The following IPPK variants were observed in gnomAD, a reference collection of about 807,000 sequenced individuals.
IPPK encodes the protein inositol-pentakisphosphate 2-kinase, also known as IPK1 homolog.
Under a neutral mutation model 64.6 loss-of-function variants are expected in IPPK, and 22 were observed. The ratio of observed to expected loss-of-function variants is 0.34; its 90% CI spans 0.24 to 0.49. The LOEUF is 0.49. IPPK is among the 20% of genes least tolerant of loss of function. IPPK has a pLI of 0.99. For missense variants in IPPK, 532 were observed against 630.7 expected (o/e 0.84, Z 1.68); for synonymous variants, 262 against 247.2 (o/e 1.06, Z -0.56).
At chr9:92,618,782 A>C (rs949933733) in intron 12 of IPPK, 16 of 353,246 alleles carry the variant, frequency 4.5e-5, no homozygotes, top group African/African-American at 3.0e-4. Flanking sequence ...TTAGTTCAAA[A>C]GCACCGGGAA....
At position 92,615,612 on chromosome 9, in the gene IPPK, T is replaced by G. The variant is rs1851406137; in HGVS notation, c.*220A>C. ...AACGGACACTTCCATTTTAAGAGTG[T>G]GAGCAGCTTCCTGGGACACAGCACT... is the stretch of plus-strand genomic sequence containing the variant. On this transcript the variant is annotated 3_prime_UTR_variant, in exon 13 of 13. Coordinates refer to ENST00000287996, the MANE Select transcript of IPPK (RefSeq NM_022755.6). 1.9e-6 allele frequency: 1 copy of G among 530,666 alleles called. No individual in the cohort carries two copies. The highest frequency in any genetic ancestry group is 3.4e-6 in the Non-Finnish European group (1 of 294,580). 32.9% of individuals were successfully genotyped at this position (530,666 alleles called of 1,614,324 possible). A position where few individuals can be genotyped will look rare whatever the true frequency, so the allele number is the denominator to read the frequency against.
chr9:92,648,954 G>A (rs951934144), intron 5 of IPPK, among the ~76,000 whole-genome samples: 1 of 152,250 alleles, frequency 6.6e-6, no homozygotes, highest in African/African-American at 2.4e-5. Flanking sequence ...TGGCCTTTGT[G>A]CCTCCAGGAA....
intron 3 of IPPK, among the ~76,000 whole-genome samples, chr9:92,653,861 A>C (rs191140088): frequency 2.0e-5 from 3 of 152,344 alleles, no homozygotes; most frequent in African/African-American, 7.2e-5. Flanking sequence ...AAAACAACAA[A>C]AAAAGAAAAT....
chr9:92,660,844 C>A (rs958625414), intron 1 of IPPK, among the ~76,000 whole-genome samples: 2 of 152,172 alleles, frequency 1.3e-5, no homozygotes, highest in Admixed American at 1.3e-4. Flanking sequence ...AAACCACTCA[C>A]ATAAAGTATA....
chr9:92,654,630 A>G (rs1004599984), intron 3 of IPPK, among the ~76,000 whole-genome samples: 3 of 152,258 alleles, frequency 2.0e-5, no homozygotes, highest in Non-Finnish European at 4.4e-5. Context: ...CAGCTCTTGC[A>G]CAAGGTATTC....
At position 92,613,211 on chromosome 9, in the gene IPPK, A is replaced by G. The variant is rs1462455624; in HGVS notation, c.*2621T>C. ...GTGGAGGAACATGCAATTTTATTCAATATAAACATTTGCTATTTTCTGCTT... is the reference window on the plus strand; with the variant it reads ...GTGGAGGAACATGCAATTTTATTCAGTATAAACATTTGCTATTTTCTGCTT... On this transcript the variant is annotated 3_prime_UTR_variant, in exon 13 of 13. Transcript: ENST00000287996. 5 of 1,601,524 alleles carry G rather than the reference A, an allele frequency of 3.1e-6. No individual in the cohort carries two copies. The highest frequency in any genetic ancestry group is 1.1e-5 in the South Asian group (1 of 90,572).
chr9:92,658,369 A>G (rs1289058393), intron 2 of IPPK, among the ~76,000 whole-genome samples: 6 of 152,218 alleles, frequency 3.9e-5, no homozygotes, highest in African/African-American at 1.4e-4. Context: ...CCTCGCCACA[A>G]GCAGGGCCCT....
In IPPK at chr9:92,614,088, C is replaced by CTGTT. The variant is rs1851356057; in HGVS notation, c.*1740_*1743dup. On this transcript the variant is annotated 3_prime_UTR_variant, in exon 13 of 13. Coordinates refer to ENST00000287996, the MANE Select transcript of IPPK (RefSeq NM_022755.6). ...TTTTCTCTTCTCCCTCAAATACAGG[C>CTGTT]TGTTTTCATCGTGTCTAGTCCAGCC... 6.6e-6 allele frequency: 1 copy of CTGTT among 152,282 alleles called. No homozygotes were observed. Among genetic ancestry groups the CTGTT allele is most frequent in the South Asian group, 2.1e-4 (1 of 4,836 alleles). 9.4% of individuals were successfully genotyped at this position (152,282 alleles called of 1,614,324 possible). A position where few individuals can be genotyped will look rare whatever the true frequency, so the allele number is the denominator to read the frequency against.
intron 12 of IPPK, chr9:92,618,199 G>A (rs1290932793): frequency 2.2e-6 from 1 of 456,248 alleles, no homozygotes; most frequent in East Asian, 6.9e-5. Context: ...CTCTCCTTTT[G>A]TTGAGAAAGG....
At chr9:92,628,340 T>A (rs1271529327) in intron 11 of IPPK, among the ~76,000 whole-genome samples, 1 of 152,158 alleles carries the variant, frequency 6.6e-6, no homozygotes, top group East Asian at 1.9e-4. Context: ...TCATATGGAA[T>A]TACAAGAGGC....
chr9:92,645,085 A>G (rs1852124909), intron 6 of IPPK, among the ~76,000 whole-genome samples: 1 of 152,182 alleles, frequency 6.6e-6, no homozygotes, highest in South Asian at 2.1e-4. Context: ...TAGAAATTAT[A>G]AAAAGGAACC....
chr9:92,643,376 A>G (rs1009430960), intron 6 of IPPK, among the ~76,000 whole-genome samples: 6 of 152,200 alleles, frequency 3.9e-5, no homozygotes, highest in African/African-American at 1.4e-4. Context: ...AAACCCTGAA[A>G]CCAAGAGAGA....
At chr9:92,616,185 GAT>G (rs1851427224) in intron 12 of IPPK, 128 bp from the exon 13 acceptor site, 1 of 661,420 alleles carries the variant, frequency 1.5e-6, no homozygotes, top group African/African-American at 1.8e-5. Context: ...TGCAAAGTTA[GAT>G]AAATCAATCT....
intron 4 of IPPK, among the ~76,000 whole-genome samples, chr9:92,649,811 A>C (rs1852225521): frequency 6.6e-6 from 1 of 152,050 alleles, no homozygotes; most frequent in Non-Finnish European, 1.5e-5. Context: ...GTGGATCATG[A>C]GGTCAGGAGT....
intron 4 of IPPK, among the ~76,000 whole-genome samples, chr9:92,651,953 G>A (rs1192853980): frequency 6.6e-6 from 1 of 152,058 alleles, no homozygotes. Flanking sequence ...TGTTGGTCAC[G>A]CTGGTCTCGA....
Position 92,634,499 on chromosome 9 carries a change from A to G in IPPK, c.1068-11T>C. The G allele has an allele frequency of 1.3e-6, 2 of 1,596,984 alleles. No homozygotes were observed. The highest frequency in any genetic ancestry group is 1.7e-6 in the Non-Finnish European group (2 of 1,164,416). On this transcript the variant is annotated splice_polypyrimidine_tract_variant and intron_variant, in intron 10 of 12. Coordinates refer to ENST00000287996, the MANE Select transcript of IPPK (RefSeq NM_022755.6). ...ATTTGTAAGGTTTTTCTGAAGAAGA[A>G]AGCACAATAAAAACAGGATGACAAA...
At chr9:92,641,840 TCA>T (rs1852053115) in intron 7 of IPPK, among the ~76,000 whole-genome samples, 1 of 151,974 alleles carries the variant, frequency 6.6e-6, no homozygotes, top group Non-Finnish European at 1.5e-5. Context: ...GGAAAGAAAC[TCA>T]CACAGTGGAG....
chr9:92,641,741 T>G (rs1381701914), intron 7 of IPPK, among the ~76,000 whole-genome samples: 4 of 152,136 alleles, frequency 2.6e-5, no homozygotes, highest in Non-Finnish European at 5.9e-5. Context: ...ACTGACATGA[T>G]GACCAGGCAC....
At chr9:92,662,394 C>T (rs918638364) in intron 1 of IPPK, among the ~76,000 whole-genome samples, 2 of 152,022 alleles carry the variant, frequency 1.3e-5, no homozygotes, top group Non-Finnish European at 2.9e-5. Flanking sequence ...GGCGTGGTGG[C>T]ACATGACTGT....
Sources: allele counts gnomAD v4.1 joint callset (sites outside exome capture counted in the v4.1 genomes callset), GRCh38; gene constraint gnomAD v4.1.1; transcripts MANE v1.5; gene names NCBI Gene and HGNC (gene_info 2026-07-23, HGNC 2026-07-21).